The following GPR176 variants were observed in gnomAD, a reference collection of about 807,000 sequenced individuals.
GPR176 encodes G protein-coupled receptor 176, also known as G-protein coupled receptor 176.
In GPR176, 26 loss-of-function variants were observed where a neutral mutation model predicts 35.4. The ratio of observed to expected loss-of-function variants is 0.74; its 90% CI spans 0.54 to 1.02. The LOEUF (loss-of-function observed/expected upper bound fraction) is 1.02. GPR176 is among the 50% of genes least tolerant of loss of function. The pLI is 0.00. For synonymous variants in GPR176, 278 were observed against 271.3 expected, an observed-to-expected ratio of 1.02 and a Z score of -0.24; for missense variants, 597 against 665.3, an observed-to-expected ratio of 0.90 and a Z score of 1.13.
At position 39,919,954 on chromosome 15, in the gene GPR176, C is replaced by G; in HGVS notation, c.73G>C (p.Gly25Arg). ...TCCCCGAGCGCGCTGCGGTTCACAC[C>G]CGCAGCCTCGGCGCCGGACGCGTTG... ...PHNASGAEAAGVNRSALGEFG... is the reference protein window; with the variant it reads ...PHNASGAEAARVNRSALGEFG... Residue 25 changes from glycine (G) to arginine (R), a missense_variant, in exon 1 of 3, where the codon GGT (glycine) becomes CGT (arginine). This residue lies in a region of GPR176 where 126 missense variants were observed against 112.4 expected (regional missense o/e 1.12). Transcript: ENST00000561100. The G allele has an allele frequency of 6.7e-7, 1 of 1,498,842 alleles. No homozygotes were observed. Among genetic ancestry groups the G allele is most frequent in the Non-Finnish European group, 8.9e-7 (1 of 1,125,610 alleles). 92.8% of individuals were successfully genotyped at this position (1,498,842 alleles called of 1,614,324 possible). A position where few individuals can be genotyped will look rare whatever the true frequency, so the allele number is the denominator to read the frequency against.
intron 1 of GPR176, among the ~76,000 whole-genome samples, chr15:39,916,444 C>G (rs2033728845): frequency 6.6e-6 from 1 of 152,144 alleles, no homozygotes; most frequent in Non-Finnish European, 1.5e-5. Context: ...TTCAACACAG[C>G]AAATAATGTT....
Position 39,801,638 on chromosome 15 carries a change from C to A in GPR176, c.1042G>T (p.Val348Phe). 6.2e-7 allele frequency: 1 copy of A among 1,614,078 alleles called. No homozygotes were observed. Among genetic ancestry groups the A allele is most frequent in the Non-Finnish European group, 8.5e-7 (1 of 1,179,950 alleles). Reference protein sequence around the residue: ...LHHRYSRRNVVSTGSGMAEAS... With the variant: ...LHHRYSRRNVFSTGSGMAEAS... ...TCAGCCATGCCACTCCCTGTACTGACCACATTACGGCGACTGTACCGGTGG... is the reference window on the plus strand; with the variant it reads ...TCAGCCATGCCACTCCCTGTACTGAACACATTACGGCGACTGTACCGGTGG... The change falls in exon 3 of 3, where the codon GTC (valine) becomes TTC (phenylalanine). Residue 348 changes from valine (V) to phenylalanine (F), a missense_variant. Physicochemically the swap from Val to Phe is conservative, Grantham distance 50. This residue lies in a region of GPR176 where 251 missense variants were observed against 255.4 expected (regional missense o/e 0.98). Transcript: ENST00000561100.
rs200891192 is a variant in GPR176 at position 39,893,090 on chromosome 15, ACT to A, written c.172+26763_172+26764del. 6.0e-3 allele frequency among the ~76,000 whole-genome samples: 851 copies of A among 140,802 alleles called. 11 individuals are homozygous for A. The highest frequency in any genetic ancestry group is 0.023 in the African/African-American group (806 of 35,410). The allele number at this position is 140,802 out of a possible 152,430, so 92.4% of individuals were successfully genotyped here. ...GGCATATCGAGAATATTGATCTCTA[ACT>A]CTCTTTTTTTTTTAAATTTATTTAT... On this transcript the variant is annotated intron_variant, in intron 1 of 2. Transcript: ENST00000561100.
At chr15:39,862,657 T>C (rs780449272) in intron 1 of GPR176, among the ~76,000 whole-genome samples, 9 of 152,234 alleles carry the variant, frequency 5.9e-5, no homozygotes, top group Non-Finnish European at 7.3e-5. Context: ...CTTAAAGTCA[T>C]AGCACAATGC....
chr15:39,876,853 G>GCA (rs1566959680), intron 1 of GPR176, among the ~76,000 whole-genome samples: 3 of 151,030 alleles, frequency 2.0e-5, no homozygotes, highest in Non-Finnish European at 4.4e-5. Flanking sequence ...AGGGAGGGAG[G>GCA]GAGAGAGAGA....
At chr15:39,824,822 A>G (rs1900516087) in intron 1 of GPR176, among the ~76,000 whole-genome samples, 1 of 152,198 alleles carries the variant, frequency 6.6e-6, no homozygotes, top group South Asian at 2.1e-4. Context: ...CAAGCTCAAC[A>G]TTTTATCCCT....
chr15:39,802,857 A>G (rs1289317917), intron 2 of GPR176, among the ~76,000 whole-genome samples: 1 of 152,240 alleles, frequency 6.6e-6, no homozygotes, highest in Non-Finnish European at 1.5e-5. Context: ...TTCAGCTGAC[A>G]AAAGTTATGC....
At chr15:39,854,374 T>C (rs1371460434) in intron 1 of GPR176, among the ~76,000 whole-genome samples, 1 of 152,178 alleles carries the variant, frequency 6.6e-6, no homozygotes, top group Non-Finnish European at 1.5e-5. Context: ...GTCCAGGGCC[T>C]CTCTAATACT....
chr15:39,854,373 C>T (rs2031069903), intron 1 of GPR176, among the ~76,000 whole-genome samples: 1 of 152,132 alleles, frequency 6.6e-6, no homozygotes, highest in South Asian at 2.1e-4. Flanking sequence ...TGTCCAGGGC[C>T]TCTCTAATAC....
rs959087127 is a variant in GPR176 at position 39,800,142 on chromosome 15, G to C, written c.*990C>G. On this transcript the variant is annotated 3_prime_UTR_variant, in exon 3 of 3. Coordinates refer to ENST00000561100, the MANE Select transcript of GPR176 (RefSeq NM_007223.3). ...CCTTTTCAGTTTGATGTTTCCAAAGGACCCAGCTTACACTAACTCTCCATT... is the reference window on the plus strand; with the variant it reads ...CCTTTTCAGTTTGATGTTTCCAAAGCACCCAGCTTACACTAACTCTCCATT... 2.0e-5 allele frequency: 3 copies of C among 152,010 alleles called. No homozygotes were observed. Among genetic ancestry groups the C allele is most frequent in the Non-Finnish European group, 4.4e-5 (3 of 68,020 alleles). The allele number at this position is 152,010 out of a possible 1,614,324, so 9.4% of individuals were successfully genotyped here. A position where few individuals can be genotyped will look rare whatever the true frequency, so the allele number is the denominator to read the frequency against.
At chr15:39,855,855 G>A (rs576578633) in intron 1 of GPR176, among the ~76,000 whole-genome samples, 1 of 152,306 alleles carries the variant, frequency 6.6e-6, no homozygotes, top group South Asian at 2.1e-4. Context: ...GAAATTAACA[G>A]CAATAACACA....
At chr15:39,872,292 C>T (rs987849570) in intron 1 of GPR176, among the ~76,000 whole-genome samples, 7 of 152,146 alleles carry the variant, frequency 4.6e-5, no homozygotes, top group Non-Finnish European at 8.8e-5. Flanking sequence ...TCATTCCAAA[C>T]TGAAGCAGGA....
At chr15:39,879,886 G>A (rs1225832154) in intron 1 of GPR176, among the ~76,000 whole-genome samples, 1 of 152,048 alleles carries the variant, frequency 6.6e-6, no homozygotes, top group African/African-American at 2.4e-5. Flanking sequence ...TCAGCCTCCA[G>A]GTAACTCCTT....
In GPR176 at chr15:39,875,363, A is replaced by G. The variant is rs886425272; in HGVS notation, c.172+44492T>C. Among the ~76,000 whole-genome samples the G allele has an allele frequency of 2.0e-5, 3 of 152,248 alleles. No individual in the cohort carries two copies. The South Asian group carries it at 6.2e-4, about 31-fold the overall frequency. On this transcript the variant is annotated intron_variant, in intron 1 of 2. Transcript: ENST00000561100. Reference sequence around the variant, plus strand: ...CTATTGTTTCTTTGACTACAAAGAAATAATTTGTTTGGTAAGGTGTTTTCA... The same window carrying G: ...CTATTGTTTCTTTGACTACAAAGAAGTAATTTGTTTGGTAAGGTGTTTTCA...
intron 1 of GPR176, among the ~76,000 whole-genome samples, chr15:39,898,225 G>A (rs149319134): frequency 5.5e-4 from 83 of 152,186 alleles, no homozygotes; most frequent in African/African-American, 2.0e-3. Flanking sequence ...TGTACAGAGT[G>A]GTGATTAAGT....
chr15:39,811,201 AT>A (rs199819648), intron 1 of GPR176, among the ~76,000 whole-genome samples: 13 of 149,006 alleles, frequency 8.7e-5, no homozygotes, highest in African/African-American at 9.8e-5. Flanking sequence ...TTTAATTTTA[AT>A]TTTTTTTTTA....
chr15:39,848,738 A>G (rs1384474090), intron 1 of GPR176, among the ~76,000 whole-genome samples: 5 of 152,146 alleles, frequency 3.3e-5, no homozygotes, highest in East Asian at 1.9e-4. Context: ...GTGTTTCAAC[A>G]TAAGTCAAAG....
At chr15:39,832,690 A>ACACACACAC (rs1300551755) in intron 1 of GPR176, among the ~76,000 whole-genome samples, 5 of 60,896 alleles carry the variant, frequency 8.2e-5, no homozygotes, top group South Asian at 1.3e-3. Context: ...CACACACACA[A>ACACACACAC]ATCTTATAAT....
intron 1 of GPR176, among the ~76,000 whole-genome samples, chr15:39,883,493 G>C (rs2032559047): frequency 6.6e-6 from 1 of 152,148 alleles, no homozygotes; most frequent in East Asian, 1.9e-4. Flanking sequence ...CCACCATGAA[G>C]GAAAGACAAA....
Sources: allele counts gnomAD v4.1 joint callset (sites outside exome capture counted in the v4.1 genomes callset), GRCh38; gene constraint gnomAD v4.1.1; regional missense constraint gnomAD v4.1.1; transcripts MANE v1.5; gene names NCBI Gene and HGNC (gene_info 2026-07-23, HGNC 2026-07-21).